The following DLGAP1 variants were observed in gnomAD, a reference collection of about 807,000 sequenced individuals.
The protein encoded by DLGAP1 is disks large-associated protein 1.
DLGAP1 carries 11 observed loss-of-function variants against 90.8 expected under a neutral mutation model. The observed-to-expected ratio is 0.12, with a 90% CI of 0.08 to 0.20. The LOEUF (loss-of-function observed/expected upper bound fraction) is 0.20. DLGAP1 is among the 10% of genes least tolerant of loss of function. DLGAP1 has a pLI of 1.00. For missense variants in DLGAP1, 1,050 were observed against 1,333.8 expected, an observed-to-expected ratio of 0.79 and a Z score of 3.31; for synonymous variants, 558 against 540.7, an observed-to-expected ratio of 1.03 and a Z score of -0.44.
chr18:3,889,234 C>T (rs2071399607), intron 3 of DLGAP1, among the ~76,000 whole-genome samples: 1 of 152,060 alleles, frequency 6.6e-6, no homozygotes, highest in African/African-American at 2.4e-5. Context: ...TGGAAAAACA[C>T]AAAAACAATG....
At chr18:3,789,442 T>C (rs1252782108) in intron 5 of DLGAP1, among the ~76,000 whole-genome samples, 1 of 152,094 alleles carries the variant, frequency 6.6e-6, no homozygotes, top group Middle Eastern at 3.2e-3. Flanking sequence ...AGAGGTAAGT[T>C]TGGGGGTTAA....
chr18:3,718,802 T>C (rs1403441267), intron 7 of DLGAP1, among the ~76,000 whole-genome samples: 1 of 151,780 alleles, frequency 6.6e-6, no homozygotes, highest in Admixed American at 6.6e-5. Context: ...GGCAGGTGCC[T>C]GTAATCCCAG....
At chr18:4,258,400 C>T (rs1332567398) in intron 1 of DLGAP1, among the ~76,000 whole-genome samples, 4 of 152,002 alleles carry the variant, frequency 2.6e-5, no homozygotes, top group Non-Finnish European at 5.9e-5. Context: ...ATGCCCATTC[C>T]TAAAGTTTCC....
intron 2 of DLGAP1, among the ~76,000 whole-genome samples, chr18:4,105,994 T>C (rs765598177): frequency 4.6e-5 from 6 of 130,198 alleles, no homozygotes; most frequent in South Asian, 2.6e-4. Flanking sequence ...ATCGCGCCAC[T>C]GCACTCCAGC....
intron 10 of DLGAP1, among the ~76,000 whole-genome samples, chr18:3,512,313 A>G (rs1214250079): frequency 6.6e-6 from 1 of 152,176 alleles, no homozygotes; most frequent in Non-Finnish European, 1.5e-5. Flanking sequence ...TAGGCACCTG[A>G]TGGTGAGGCT....
At chr18:3,566,591 G>A (rs1012733095) in intron 9 of DLGAP1, among the ~76,000 whole-genome samples, 1 of 152,030 alleles carries the variant, frequency 6.6e-6, no homozygotes, top group East Asian at 1.9e-4. Flanking sequence ...ATTATAGGAG[G>A]CATTCCATAG....
chr18:3,779,474 G>A (rs1034746866), intron 5 of DLGAP1, among the ~76,000 whole-genome samples: 3 of 152,076 alleles, frequency 2.0e-5, no homozygotes, highest in Non-Finnish European at 2.9e-5. Context: ...AAGCCCTCTC[G>A]GATCATGCCT....
intron 2 of DLGAP1, among the ~76,000 whole-genome samples, chr18:4,147,237 G>A (rs35759530): frequency 0.053 from 8,119 of 152,068 alleles, 296 homozygotes; most frequent in Non-Finnish European, 0.082. Context: ...CACAACCAGC[G>A]GCTCTTTCAC....
chr18:3,730,902 C>G (rs1162650794), intron 6 of DLGAP1, among the ~76,000 whole-genome samples: 1 of 152,092 alleles, frequency 6.6e-6, no homozygotes, highest in Admixed American at 6.5e-5. Flanking sequence ...AGTTATATCT[C>G]TATATATCCT....
intron 3 of DLGAP1, among the ~76,000 whole-genome samples, chr18:3,929,707 C>G (rs2072473937): frequency 6.6e-6 from 1 of 152,162 alleles, no homozygotes; most frequent in Non-Finnish European, 1.5e-5. Context: ...GCAGGAGAAA[C>G]AGTAATACAA....
intron 2 of DLGAP1, among the ~76,000 whole-genome samples, chr18:4,033,930 G>A (rs1404882091): frequency 6.6e-6 from 1 of 151,350 alleles, no homozygotes; most frequent in Non-Finnish European, 1.5e-5. Flanking sequence ...GTAGAGACAA[G>A]GTTTCACTGT....
intron 1 of DLGAP1, among the ~76,000 whole-genome samples, chr18:4,376,995 A>C (rs2082027425): frequency 6.6e-6 from 1 of 152,184 alleles, no homozygotes; most frequent in Non-Finnish European, 1.5e-5. Flanking sequence ...GACATCATAA[A>C]TTCTGAATCC....
At chr18:3,748,866 T>A (rs2063378950) in intron 5 of DLGAP1, among the ~76,000 whole-genome samples, 2 of 152,242 alleles carry the variant, frequency 1.3e-5, no homozygotes, top group African/African-American at 2.4e-5. Context: ...TAACCTTACC[T>A]ATAATGGCTT....
At chr18:3,588,912 G>A (rs2056072396) in intron 7 of DLGAP1, among the ~76,000 whole-genome samples, 1 of 152,236 alleles carries the variant, frequency 6.6e-6, no homozygotes, top group Non-Finnish European at 1.5e-5. Flanking sequence ...GCCAGGCGCG[G>A]TGGCTTATGC....
intron 1 of DLGAP1, among the ~76,000 whole-genome samples, chr18:4,384,403 T>G (rs2082190100): frequency 6.6e-6 from 1 of 152,188 alleles, no homozygotes; most frequent in Non-Finnish European, 1.5e-5. Flanking sequence ...ATAACCATCT[T>G]TGTGTTCATG....
At chr18:4,038,381 G>T (rs945818984) in intron 2 of DLGAP1, among the ~76,000 whole-genome samples, 8 of 152,092 alleles carry the variant, frequency 5.3e-5, no homozygotes, top group African/African-American at 1.9e-4. Context: ...CAGTCTGGGG[G>T]GGTTAGGGAT....
At chr18:4,248,863 G>T (rs2078712870) in intron 1 of DLGAP1, 1 of 152,624 alleles carries the variant, frequency 6.6e-6, no homozygotes, top group Non-Finnish European at 1.5e-5. Flanking sequence ...TACCCCGCCG[G>T]CCACATCCTT....
At chr18:4,064,406 A>C (rs1252330960) in intron 2 of DLGAP1, among the ~76,000 whole-genome samples, 1 of 150,388 alleles carries the variant, frequency 6.6e-6, no homozygotes, top group Non-Finnish European at 1.5e-5. Flanking sequence ...CAATGAATCC[A>C]CGAGATTTTT....
At chr18:3,688,207 G>A (rs2060769367) in intron 7 of DLGAP1, among the ~76,000 whole-genome samples, 3 of 151,908 alleles carry the variant, frequency 2.0e-5, no homozygotes, top group South Asian at 4.2e-4. Flanking sequence ...CACCGCACCC[G>A]GCCCAGAGAC....
Sources: allele counts gnomAD v4.1 joint callset (sites outside exome capture counted in the v4.1 genomes callset), GRCh38; gene constraint gnomAD v4.1.1; transcripts MANE v1.5; gene names NCBI Gene and HGNC (gene_info 2026-07-23, HGNC 2026-07-21).